The following TNKS variants were observed in gnomAD, a reference collection of about 807,000 sequenced individuals.
The protein encoded by TNKS is tankyrase.
In TNKS, 72 loss-of-function variants were observed where a neutral mutation model predicts 135.8. That is an observed-to-expected ratio of 0.53 (90% CI 0.44 to 0.64). The LOEUF is 0.64. Ranked by LOEUF, TNKS falls within the 30% of genes least tolerant of loss-of-function variation. The pLI, the probability that TNKS is intolerant of heterozygous loss-of-function variation, is 0.00. For missense variants in TNKS, 1,769 were observed against 1,674.0 expected, an observed-to-expected ratio of 1.06 and a Z score of -0.99; for synonymous variants, 849 against 649.3, an observed-to-expected ratio of 1.31 and a Z score of -4.68.
At chr8:9,665,606 T>C (rs1801947689) in intron 3 of TNKS, among the ~76,000 whole-genome samples, 1 of 152,210 alleles carries the variant, frequency 6.6e-6, no homozygotes, top group South Asian at 2.1e-4. Context: ...TTTGACCTGT[T>C]GTCTTAAGCA....
In TNKS at chr8:9,663,932, TG is replaced by T. The variant is rs538069149; in HGVS notation, c.995-16017del. ...TGGGGTTTCTCTGGAGGCTTCACTG[TG>T]GCCAATTGATTATATCATTCCCTCC... On this transcript the variant is annotated intron_variant, in intron 3 of 26. Transcript: ENST00000310430. 1.8e-4 allele frequency among the ~76,000 whole-genome samples: 27 copies of T among 152,272 alleles called. 1 individual carries two copies. In the South Asian group the frequency reaches 3.1e-3, roughly 18 times the overall value.
In TNKS at chr8:9,680,069, A is replaced by G. The variant is rs374356384; in HGVS notation, c.1031+82A>G. On this transcript the variant is annotated intron_variant, in intron 4 of 26. Transcript: ENST00000310430. ...GGGCAGGTGGAGGACTATAAAAAAT[A>G]TAACGTTATTGTCTTGCTTGGATTT... 5.1e-5 allele frequency: 52 copies of G among 1,026,734 alleles called. No individual in the cohort carries two copies. In the South Asian group the frequency reaches 6.0e-4, roughly 12 times the overall value. 63.6% of individuals were successfully genotyped at this position (1,026,734 alleles called of 1,614,324 possible).
intron 3 of TNKS, among the ~76,000 whole-genome samples, chr8:9,617,236 G>C (rs1488463586): frequency 2.0e-5 from 3 of 152,142 alleles, no homozygotes; most frequent in African/African-American, 4.8e-5. Flanking sequence ...AAGAGCTTTG[G>C]AACAATCACT....
intron 3 of TNKS, among the ~76,000 whole-genome samples, chr8:9,662,016 A>G (rs1191863387): frequency 2.0e-5 from 3 of 152,258 alleles, no homozygotes; most frequent in Admixed American, 2.0e-4. Flanking sequence ...CATCAGAGAA[A>G]TGCAAATCAA....
chr8:9,575,109 C>T (rs1478801671), intron 1 of TNKS: 2 of 975,052 alleles, frequency 2.1e-6, no homozygotes, highest in African/African-American at 1.8e-5. Flanking sequence ...TCTTTTGACA[C>T]GGAGTCTCGC....
intron 2 of TNKS, among the ~76,000 whole-genome samples, chr8:9,603,084 G>A (rs59201801): frequency 0.083 from 12,582 of 151,230 alleles, 555 homozygotes; most frequent in South Asian, 0.18. Flanking sequence ...ATGGAGTCTC[G>A]CTTTATCGCC....
intron 3 of TNKS, among the ~76,000 whole-genome samples, chr8:9,641,324 T>C (rs1800723295): frequency 6.9e-6 from 1 of 144,194 alleles, no homozygotes; most frequent in South Asian, 2.2e-4. Context: ...GGCACTTTGA[T>C]AGTTGTTCAG....
chr8:9,574,814 G>A (rs1167886316), intron 1 of TNKS, among the ~76,000 whole-genome samples: 1 of 152,030 alleles, frequency 6.6e-6, no homozygotes, highest in Non-Finnish European at 1.5e-5. Context: ...ATGTATGAAA[G>A]TATCTGGAGA....
chr8:9,569,209 T>C (rs1797666953), intron 1 of TNKS, among the ~76,000 whole-genome samples: 1 of 152,196 alleles, frequency 6.6e-6, no homozygotes, highest in African/African-American at 2.4e-5. Context: ...ATTCTAATAA[T>C]TCCTGTCATC....
chr8:9,619,675 G>A (rs940691524), intron 3 of TNKS, among the ~76,000 whole-genome samples: 1 of 152,126 alleles, frequency 6.6e-6, no homozygotes, highest in African/African-American at 2.4e-5. Context: ...GTAGCCCCCA[G>A]TCTCTCTATA....
At chr8:9,697,739 T>A (rs1396108737) in intron 5 of TNKS, among the ~76,000 whole-genome samples, 2 of 152,132 alleles carry the variant, frequency 1.3e-5, no homozygotes, top group Non-Finnish European at 2.9e-5. Flanking sequence ...AATGAGATAC[T>A]GTCTCACACC....
rs999727866 is a variant in TNKS, at chr8:9,637,221, A to G, written c.994+21544A>G. ...AGTCCTAGATAAGGAATGCTTTTCAAGTGTAGACTGTCCATTGATTTGTGG... is the reference window on the plus strand; with the variant it reads ...AGTCCTAGATAAGGAATGCTTTTCAGGTGTAGACTGTCCATTGATTTGTGG... On this transcript the variant is annotated intron_variant, in intron 3 of 26. Coordinates refer to ENST00000310430, the MANE Select transcript of TNKS (RefSeq NM_003747.3). Among the ~76,000 whole-genome samples the G allele has an allele frequency of 3.3e-5, 5 of 152,208 alleles. No homozygotes were observed. In the South Asian group the frequency reaches 8.3e-4, roughly 25 times the overall value.
At chr8:9,655,852 G>A (rs1224343513) in intron 3 of TNKS, among the ~76,000 whole-genome samples, 1 of 152,046 alleles carries the variant, frequency 6.6e-6, no homozygotes, top group African/African-American at 2.4e-5. Context: ...TCCTCCAAAG[G>A]AACGCAGCTC....
intron 3 of TNKS, among the ~76,000 whole-genome samples, chr8:9,648,065 C>T (rs577908107): frequency 6.6e-6 from 1 of 152,146 alleles, no homozygotes; most frequent in African/African-American, 2.4e-5. Flanking sequence ...CTGTAGGGCA[C>T]TTACCATAAA....
At chr8:9,624,323 A>C (rs1799977979) in intron 3 of TNKS, among the ~76,000 whole-genome samples, 1 of 152,200 alleles carries the variant, frequency 6.6e-6, no homozygotes, top group Non-Finnish European at 1.5e-5. Flanking sequence ...AATTACTGTT[A>C]ATATTTGCTT....
chr8:9,690,329 C>T (rs185416470), intron 5 of TNKS, among the ~76,000 whole-genome samples: 1 of 152,312 alleles, frequency 6.6e-6, no homozygotes, highest in East Asian at 1.9e-4. Context: ...ATTAAGTTGG[C>T]ATTCAGAGCT....
rs367974386 is a variant in TNKS, at chr8:9,730,880, A to G, written c.2002-10A>G. 22 of 1,610,290 alleles carry G rather than the reference A, an allele frequency of 1.4e-5. No homozygotes were observed. The highest frequency in any genetic ancestry group is 1.8e-5 in the Non-Finnish European group (21 of 1,178,008). Reference sequence around the variant, plus strand: ...GTTTTGTGTTTGTCTTTGTGTGTGCACCACGAAAGCAACTTTGCAGCTCTC... The same window carrying G: ...GTTTTGTGTTTGTCTTTGTGTGTGCGCCACGAAAGCAACTTTGCAGCTCTC... On this transcript the variant is annotated splice_polypyrimidine_tract_variant and intron_variant, in intron 13 of 26. Coordinates refer to ENST00000310430, the MANE Select transcript of TNKS (RefSeq NM_003747.3).
chr8:9,667,205 A>G (rs1012680370), intron 3 of TNKS, among the ~76,000 whole-genome samples: 1 of 152,248 alleles, frequency 6.6e-6, no homozygotes, highest in Non-Finnish European at 1.5e-5. Context: ...TGAAGTATTT[A>G]TATTGAAATA....
At chr8:9,563,360 T>C (rs1472339952) in intron 1 of TNKS, among the ~76,000 whole-genome samples, 1 of 152,158 alleles carries the variant, frequency 6.6e-6, no homozygotes, top group Non-Finnish European at 1.5e-5. Flanking sequence ...TTGGAAACTT[T>C]CTGTAAATGG....
Sources: gnomAD v4.1 joint callset for allele counts (sites outside exome capture counted in the v4.1 genomes callset) on GRCh38, gnomAD v4.1.1 for gene constraint, MANE v1.5 for transcripts, NCBI Gene and HGNC (gene_info 2026-07-23, HGNC 2026-07-21) for gene names.